IQCM: variants seen among roughly 807,000 people sequenced by gnomAD.
The protein encoded by IQCM is IQ motif containing M.
IQCM carries 45 observed loss-of-function variants against 57.6 expected under a neutral mutation model. The ratio of observed to expected loss-of-function variants is 0.78; its 90% CI spans 0.62 to 1.00. The LOEUF is 1.00. Ranked by LOEUF, IQCM falls within the 50% of genes least tolerant of loss-of-function variation. The pLI is 0.00. For missense variants in IQCM, 468 were observed against 511.6 expected (o/e 0.91, Z 0.82); for synonymous variants, 148 against 158.9 (o/e 0.93, Z 0.51).
chr4:149,754,405 T>C (rs762028730), intron 2 of IQCM, among the ~76,000 whole-genome samples: 1 of 152,210 alleles, frequency 6.6e-6, no homozygotes, highest in Non-Finnish European at 1.5e-5. Context: ...AATCCAGAGA[T>C]GGCTATTTCA....
At chr4:149,710,021 T>C (rs1417774849) in intron 5 of IQCM, among the ~76,000 whole-genome samples, 1 of 152,164 alleles carries the variant, frequency 6.6e-6, no homozygotes, top group Non-Finnish European at 1.5e-5. Context: ...CATTCTGTTT[T>C]CAAGGGAAAG....
chr4:149,464,518 G>T (rs1314727006), intron 12 of IQCM, among the ~76,000 whole-genome samples: 1 of 152,140 alleles, frequency 6.6e-6, no homozygotes, highest in Non-Finnish European at 1.5e-5. Flanking sequence ...TTGCCATCTT[G>T]CCATGTGACT....
intron 2 of IQCM, among the ~76,000 whole-genome samples, chr4:149,803,576 G>A (rs966694019): frequency 4.6e-5 from 7 of 151,782 alleles, no homozygotes; most frequent in South Asian, 2.1e-4. Flanking sequence ...TGTTTGTCTC[G>A]TCTCTTCAGA....
intron 8 of IQCM, among the ~76,000 whole-genome samples, chr4:149,592,801 G>C (rs1165281130): frequency 1.3e-5 from 2 of 152,042 alleles, no homozygotes; most frequent in Non-Finnish European, 2.9e-5. Flanking sequence ...GCCCTGTTCT[G>C]TTCCATTGGT....
intron 7 of IQCM, among the ~76,000 whole-genome samples, chr4:149,649,654 T>C (rs1039963876): frequency 6.6e-6 from 1 of 152,136 alleles, no homozygotes; most frequent in African/African-American, 2.4e-5. Flanking sequence ...AAGCCAGAGC[T>C]TAATAGGTTT....
At chr4:149,758,212 A>C (rs559425474) in intron 2 of IQCM, among the ~76,000 whole-genome samples, 2 of 152,306 alleles carry the variant, frequency 1.3e-5, no homozygotes, top group African/African-American at 4.8e-5. Context: ...AATAGGGATA[A>C]ATAGGGATCT....
chr4:149,704,839 T>G (rs902216876), intron 5 of IQCM, among the ~76,000 whole-genome samples: 1 of 151,894 alleles, frequency 6.6e-6, no homozygotes. Flanking sequence ...TGAACATGGA[T>G]AGGCAACTTC....
chr4:149,664,279 T>G (rs1760491221), intron 7 of IQCM, among the ~76,000 whole-genome samples: 1 of 152,170 alleles, frequency 6.6e-6, no homozygotes, highest in African/African-American at 2.4e-5. Flanking sequence ...CTGAATTCCT[T>G]TCAGACATTT....
chr4:149,554,929 G>A (rs1749429155), intron 10 of IQCM, among the ~76,000 whole-genome samples: 1 of 151,652 alleles, frequency 6.6e-6, no homozygotes, highest in Admixed American at 6.6e-5. Context: ...TGGATCTCCT[G>A]ACCTCGTGAT....
At chr4:149,757,450 T>C (rs1345293754) in intron 2 of IQCM, among the ~76,000 whole-genome samples, 2 of 151,970 alleles carry the variant, frequency 1.3e-5, no homozygotes, top group African/African-American at 4.8e-5. Flanking sequence ...ATAAAAGCTA[T>C]AGTTAAAACC....
intron 12 of IQCM, among the ~76,000 whole-genome samples, chr4:149,468,457 T>C (rs1739118348): frequency 6.6e-6 from 1 of 151,996 alleles, no homozygotes; most frequent in South Asian, 2.1e-4. Flanking sequence ...GAGGCTTGAA[T>C]AGGTAAAAGG....
At chr4:149,669,293 T>C (rs747818460) in intron 7 of IQCM, among the ~76,000 whole-genome samples, 32 of 152,206 alleles carry the variant, frequency 2.1e-4, no homozygotes, top group Non-Finnish European at 4.1e-4. Context: ...GAGAAGTGTC[T>C]ATTCATATCC....
chr4:149,387,777 T>A (rs1731528896), intron 13 of IQCM, among the ~76,000 whole-genome samples: 2 of 151,936 alleles, frequency 1.3e-5, no homozygotes, highest in Non-Finnish European at 2.9e-5. Context: ...ATCATCATAG[T>A]AGAATTTTAT....
intron 8 of IQCM, among the ~76,000 whole-genome samples, chr4:149,617,271 A>T (rs1755877311): frequency 6.6e-6 from 1 of 152,124 alleles, no homozygotes; most frequent in Non-Finnish European, 1.5e-5. Context: ...CTGGAACTTA[A>T]AGTAAACTAA....
intron 12 of IQCM, among the ~76,000 whole-genome samples, chr4:149,521,927 C>T (rs979458420): frequency 1.3e-5 from 2 of 152,176 alleles, no homozygotes; most frequent in South Asian, 4.1e-4. Flanking sequence ...ACGCAAGAAA[C>T]ACTGAATGCT....
intron 8 of IQCM, among the ~76,000 whole-genome samples, chr4:149,588,657 A>G (rs987976391): frequency 6.6e-6 from 1 of 151,896 alleles, no homozygotes. Context: ...GTGAGGACAC[A>G]ATAAGAAGAT....
At chr4:149,374,160 CA>C (rs1356542054) in intron 13 of IQCM, among the ~76,000 whole-genome samples, 7 of 152,176 alleles carry the variant, frequency 4.6e-5, no homozygotes, top group Non-Finnish European at 5.9e-5. Context: ...AAGGTGGTAG[CA>C]CCCTTGACAG....
At chr4:149,753,867 T>C (rs1225130048) in intron 2 of IQCM, among the ~76,000 whole-genome samples, 2 of 151,040 alleles carry the variant, frequency 1.3e-5, no homozygotes, top group African/African-American at 2.4e-5. Flanking sequence ...AAGTATCGTA[T>C]AGAAAAATGA....
At chr4:149,612,059 G>A (rs899612434) in intron 8 of IQCM, among the ~76,000 whole-genome samples, 5 of 151,054 alleles carry the variant, frequency 3.3e-5, no homozygotes, top group Non-Finnish European at 7.4e-5. Context: ...GGAAGGTGAA[G>A]GGAAGTAGGG....
Sources: gnomAD v4.1 joint callset for allele counts (sites outside exome capture counted in the v4.1 genomes callset) on GRCh38, gnomAD v4.1.1 for gene constraint, MANE v1.5 for transcripts, NCBI Gene and HGNC (gene_info 2026-07-23, HGNC 2026-07-21) for gene names.